Variants in DSCC1 observed in about 807,000 individuals in gnomAD.
The protein encoded by DSCC1 is DNA replication and sister chromatid cohesion 1.
In DSCC1, 32 loss-of-function variants were observed where a neutral mutation model predicts 48.2. The observed-to-expected ratio is 0.66, with a 90% CI of 0.50 to 0.89. The LOEUF (loss-of-function observed/expected upper bound fraction) is 0.89. Among genes scored for constraint, DSCC1 ranks in the 40% least tolerant of loss-of-function variants. The pLI is 0.00. For missense variants in DSCC1, 421 were observed against 471.7 expected (o/e 0.89, Z 1.00); for synonymous variants, 150 against 171.5 (o/e 0.87, Z 0.98).
At chr8:119,848,087 C>T (rs1826888261) in intron 3 of DSCC1, among the ~76,000 whole-genome samples, 1 of 152,056 alleles carries the variant, frequency 6.6e-6, no homozygotes, top group South Asian at 2.1e-4. Context: ...GCGATTTTCT[C>T]ACCTCATCCT....
chr8:119,845,051 TTTTATTTA>T (rs67730947), intron 4 of DSCC1, among the ~76,000 whole-genome samples: 56,729 of 138,136 alleles, frequency 0.41, 12,132 homozygotes, highest in Middle Eastern at 0.5. Flanking sequence ...TGACATGCCA[TTTTATTTA>T]TTTATTTATT....
chr8:119,848,318 A>G (rs1191881768), intron 3 of DSCC1, among the ~76,000 whole-genome samples: 2 of 152,218 alleles, frequency 1.3e-5, no homozygotes, highest in East Asian at 3.8e-4. Context: ...AAAAAGCAAG[A>G]AAGTCGAAAG....
In DSCC1 at chr8:119,834,304, A is replaced by G. The variant is rs1826631350; in HGVS notation, c.*589T>C. ...TTTTCGAGTGAGCATTGCCTGTGCC[A>G]GTATTCTTCATTATAGGATTATAAA... On this transcript the variant is annotated 3_prime_UTR_variant, in exon 9 of 9. Transcript: ENST00000313655. 6.6e-6 allele frequency: 1 copy of G among 152,346 alleles called. No individual in the cohort carries two copies. The highest frequency in any genetic ancestry group is 1.5e-5 in the Non-Finnish European group (1 of 68,120). 9.4% of individuals were successfully genotyped at this position (152,346 alleles called of 1,614,324 possible).
chr8:119,852,687 T>C (rs4455866), intron 2 of DSCC1: 14,103 of 162,704 alleles, frequency 0.087, 839 homozygotes, highest in Non-Finnish European at 0.12. Context: ...TCATAAATAT[T>C]ACCAAATGAA....
At chr8:119,855,588 G>A (rs1209596499) in intron 1 of DSCC1, 26 bp downstream of exon 1, 1 of 1,529,392 alleles carries the variant, frequency 6.5e-7, no homozygotes. Flanking sequence ...GCCAGAGGCT[G>A]GGGGCGCCGC....
Position 119,846,029 on chromosome 8 carries a change from T to G in DSCC1, c.577+961A>C, listed in dbSNP as rs996428710. Reference sequence around the variant, plus strand: ...GCTGTCACTAACTCCACATGTACCCTGGACAAGTTAGTTGCCCTTCCTAGG... The same window carrying G: ...GCTGTCACTAACTCCACATGTACCCGGGACAAGTTAGTTGCCCTTCCTAGG... On this transcript the variant is annotated intron_variant, in intron 4 of 8. Coordinates refer to ENST00000313655, the MANE Select transcript of DSCC1 (RefSeq NM_024094.3). Among the ~76,000 whole-genome samples the G allele has an allele frequency of 2.0e-5, 3 of 151,856 alleles. No homozygotes were observed. The South Asian group carries it at 6.2e-4, about 32-fold the overall frequency.
chr8:119,853,564 T>A (rs1826972352), intron 1 of DSCC1, among the ~76,000 whole-genome samples: 1 of 152,272 alleles, frequency 6.6e-6, no homozygotes, highest in Admixed American at 6.5e-5. Context: ...CTCAATTTTC[T>A]ACAACATGCT....
chr8:119,846,888 A>C (rs1404200479), intron 4 of DSCC1, 102 bp downstream of exon 4: 1 of 1,110,868 alleles, frequency 9.0e-7, no homozygotes, highest in Non-Finnish European at 1.3e-6. Flanking sequence ...ACCCAAAAGA[A>C]TATTAAATAA....
chr8:119,836,513 G>A lies in DSCC1; in HGVS notation c.1074-1512C>T, dbSNP rs576309553. ...GGTTTGCTCATAGTTTGAACCAGAA[G>A]GTAGGGGAAAGAAAGGACAGGGATG... On this transcript the variant is annotated intron_variant, in intron 8 of 8. Coordinates refer to ENST00000313655, the MANE Select transcript of DSCC1 (RefSeq NM_024094.3). Among the ~76,000 whole-genome samples, 23 of 152,176 alleles carry A rather than the reference G, an allele frequency of 1.5e-4. No homozygotes were observed. The South Asian group carries it at 4.1e-3, about 27-fold the overall frequency.
intron 3 of DSCC1, among the ~76,000 whole-genome samples, chr8:119,848,597 A>C (rs916559307): frequency 6.6e-6 from 1 of 152,254 alleles, no homozygotes; most frequent in African/African-American, 2.4e-5. Flanking sequence ...CACATGACCC[A>C]TCAATTCTGC....
chr8:119,838,250 AT>A lies in DSCC1; in HGVS notation c.1073+8del, dbSNP rs1254742437. ...GACCCTCAAAATCCGTCTTTAATAA[AT>A]TACTTACTGAATATATGGAGCAATA... On this transcript the variant is annotated splice_region_variant and intron_variant, in intron 8 of 8. Transcript: ENST00000313655. 6.5e-7 allele frequency: 1 copy of A among 1,547,300 alleles called. No homozygotes were observed. Among genetic ancestry groups the A allele is most frequent in the Admixed American group, 2.2e-5 (1 of 45,412 alleles).
chr8:119,835,767 G>A (rs1037822651), intron 8 of DSCC1, among the ~76,000 whole-genome samples: 17 of 152,102 alleles, frequency 1.1e-4, no homozygotes, highest in African/African-American at 4.1e-4. Flanking sequence ...GTACCTGTGT[G>A]AACTTGTCTA....
At chr8:119,848,400 A>C (rs988564923) in intron 3 of DSCC1, among the ~76,000 whole-genome samples, 1 of 152,262 alleles carries the variant, frequency 6.6e-6, no homozygotes, top group Admixed American at 6.5e-5. Flanking sequence ...GGACTATCTA[A>C]AGAATTCGCT....
chr8:119,843,660 C>A lies in DSCC1; in HGVS notation c.665G>T (p.Gly222Val). 1 of 1,614,002 alleles carries A rather than the reference C, an allele frequency of 6.2e-7. No homozygotes were observed. Among genetic ancestry groups the A allele is most frequent in the Non-Finnish European group, 8.5e-7 (1 of 1,180,016 alleles). ...QLVDSESWSF[G>V]KVPLNTCLQE... ...AAGGCATGTGTTCAAAGGAACTTTA[C>A]CAAAAGACCATGATTCAGAATCCAC... Residue 222 changes from glycine (G) to valine (V), a missense_variant, in exon 5 of 9, where the codon GGT becomes GTT. Transcript: ENST00000313655.
chr8:119,842,738 C>G, intron 6 of DSCC1, 38 bp downstream of exon 6: 1 of 1,575,396 alleles, frequency 6.3e-7, no homozygotes, highest in Non-Finnish European at 8.7e-7. Context: ...CCAGTTTTAA[C>G]ATATAAGAGT....
At chr8:119,835,775 C>G (rs1826671955) in intron 8 of DSCC1, among the ~76,000 whole-genome samples, 1 of 152,100 alleles carries the variant, frequency 6.6e-6, no homozygotes. Context: ...GTGAACTTGT[C>G]TAGGTTACCA....
chr8:119,852,985 TC>T, intron 2 of DSCC1, 61 bp downstream of exon 2: 1 of 1,406,044 alleles, frequency 7.1e-7, no homozygotes, highest in Non-Finnish European at 9.4e-7. Context: ...TAACTAAAGA[TC>T]AAATTACCAT....
intron 2 of DSCC1, among the ~76,000 whole-genome samples, chr8:119,851,563 T>C (rs1586583745): frequency 1.3e-5 from 2 of 151,864 alleles, no homozygotes; most frequent in Admixed American, 1.3e-4. Context: ...AATTAGGAGA[T>C]TTCACCCCAA....
intron 1 of DSCC1, among the ~76,000 whole-genome samples, chr8:119,853,841 G>T (rs1419494303): frequency 6.6e-6 from 1 of 152,212 alleles, no homozygotes; most frequent in Non-Finnish European, 1.5e-5. Context: ...TGAAAAAAAG[G>T]ATGCAGTGGT....
Sources: allele counts gnomAD v4.1 joint callset (sites outside exome capture counted in the v4.1 genomes callset), GRCh38; gene constraint gnomAD v4.1.1; transcripts MANE v1.5; gene names NCBI Gene and HGNC (gene_info 2026-07-23, HGNC 2026-07-21).